NVL: variants seen among roughly 807,000 people sequenced by gnomAD.
NVL encodes the protein nuclear VCP like.
NVL carries 84 observed loss-of-function variants against 110.2 expected under a neutral mutation model. The ratio of observed to expected loss-of-function variants is 0.76; its 90% confidence interval spans 0.64 to 0.91. NVL has a LOEUF of 0.91. Ranked by LOEUF, NVL falls within the 40% of genes least tolerant of loss-of-function variation. NVL has a pLI of 0.00. For missense variants in NVL, 882 were observed against 1,035.9 expected, an observed-to-expected ratio of 0.85 and a Z score of 2.04; for synonymous variants, 354 against 361.1, an observed-to-expected ratio of 0.98 and a Z score of 0.22.
At chr1:224,316,161 G>A (rs1670037446) in intron 4 of NVL, among the ~76,000 whole-genome samples, 1 of 152,064 alleles carries the variant, frequency 6.6e-6, no homozygotes, top group South Asian at 2.1e-4. Context: ...GCAACAAAGT[G>A]AGACTCTGTC....
chr1:224,301,200 T>G (rs1668373244), intron 9 of NVL, among the ~76,000 whole-genome samples: 1 of 152,162 alleles, frequency 6.6e-6, no homozygotes, highest in South Asian at 2.1e-4. Context: ...AAAATTCTAT[T>G]ATCTTTTCTG....
At chr1:224,276,829 T>C (rs1017477701) in intron 16 of NVL, among the ~76,000 whole-genome samples, 2 of 152,176 alleles carry the variant, frequency 1.3e-5, no homozygotes, top group Non-Finnish European at 2.9e-5. Context: ...TTGAACTATA[T>C]GCAGTTGGCT....
At chr1:224,268,199 C>A in intron 17 of NVL, 66 bp from the exon 18 acceptor site, 1 of 1,120,994 alleles carries the variant, frequency 8.9e-7, no homozygotes. Flanking sequence ...TTTTCTTCCA[C>A]ATAAAAATAA....
intron 18 of NVL, among the ~76,000 whole-genome samples, chr1:224,252,822 A>G (rs1662655248): frequency 6.6e-6 from 1 of 152,202 alleles, no homozygotes; most frequent in Admixed American, 6.5e-5. Flanking sequence ...CTTAAAAATT[A>G]TTGAGGACTC....
rs1234985856 is a variant in NVL, at chr1:224,323,014, T to C, written c.131+3377A>G. On this transcript the variant is annotated intron_variant, in intron 2 of 22. Transcript: ENST00000281701. ...GAGCTCAGAAAGACAAGAGAAGAGC[T>C]GTACAGGAAGGTTCTATAGTTATAT... is the stretch of plus-strand genomic sequence containing the variant. Among the ~76,000 whole-genome samples, 10 of 151,206 alleles carry C rather than the reference T, an allele frequency of 6.6e-5. No individual in the cohort carries two copies. In the South Asian group the frequency reaches 1.7e-3, roughly 25 times the overall value.
chr1:224,235,629 C>T (rs1221814313), intron 20 of NVL, among the ~76,000 whole-genome samples: 2 of 149,582 alleles, frequency 1.3e-5, no homozygotes, highest in Non-Finnish European at 3.0e-5. Flanking sequence ...ATTGGAAGGA[C>T]ATAATAGAGA....
Position 224,227,541 on chromosome 1 carries a change from C to T in NVL, c.*85G>A. ...GTTTACATGAGGCCGCGCCTGTGTC[C>T]AGCTGAAAGTGGGTCCTTCAGAGCG... On this transcript the variant is annotated 3_prime_UTR_variant, in exon 23 of 23. Transcript: ENST00000281701. 8.2e-7 allele frequency: 1 copy of T among 1,222,020 alleles called. No homozygotes were observed. The highest frequency in any genetic ancestry group is 1.2e-6 in the Non-Finnish European group (1 of 860,482). 75.7% of individuals were successfully genotyped at this position (1,222,020 alleles called of 1,614,324 possible). A position where few individuals can be genotyped will look rare whatever the true frequency, so the allele number is the denominator to read the frequency against.
chr1:224,287,863 CT>C lies in NVL; in HGVS notation c.1705del (p.Arg569GlyfsTer10). The C allele has an allele frequency of 6.2e-7, 1 of 1,614,122 alleles. No individual in the cohort carries two copies. Reference sequence around the variant, plus strand: ...ATTAGGGACAGTGACAAAGCCTTCCCTTTTGGCAGAGGGTTGGACTGAGGAT... The same window carrying C: ...ATTAGGGACAGTGACAAAGCCTTCCCTTTGGCAGAGGGTTGGACTGAGGAT... ...ALSSVQPSAKREGFVTVPNVT... is the reference protein window; with the variant it reads ...ALSSVQPSAKXEGFVTVPNVT... On this transcript the variant is annotated frameshift_variant, in exon 14 of 23. Transcript: ENST00000281701. LOFTEE classifies it high-confidence loss of function.
intron 4 of NVL, among the ~76,000 whole-genome samples, chr1:224,316,908 TG>T (rs1670139494): frequency 6.6e-6 from 1 of 152,038 alleles, no homozygotes; most frequent in Non-Finnish European, 1.5e-5. Flanking sequence ...GAGGCCAAGA[TG>T]TGCGGATCAC....
rs1462841736 is a variant in NVL, at chr1:224,289,639, G to T, written c.1420C>A (p.Leu474Ile). 3 of 1,614,232 alleles carry T rather than the reference G, an allele frequency of 1.9e-6. No individual in the cohort carries two copies. The South Asian group carries it at 3.3e-5, about 18-fold the overall frequency. Residue 474 changes from leucine to isoleucine, a missense_variant, in exon 13 of 23, where the codon CTC (leucine) becomes ATC (isoleucine). By Grantham distance (5) the Leu-to-Ile change is conservative (BLOSUM62 2). This residue lies in a region of NVL where 416 missense variants were observed against 499.3 expected (regional missense o/e 0.83). Transcript: ENST00000281701. Reference sequence around the variant, plus strand: ...GCTGCCTCTCGGCACAGTGCCATGAGATCAGCACCAACAAAGCCTGGAGTT... The same window carrying T: ...GCTGCCTCTCGGCACAGTGCCATGATATCAGCACCAACAAAGCCTGGAGTT... Reference protein sequence around the residue: ...HLTPGFVGADLMALCREAAMC... With the variant: ...HLTPGFVGADIMALCREAAMC...
At position 224,321,748 on chromosome 1, in the gene NVL, T is replaced by A. The variant is rs1337648061; in HGVS notation, c.132-3818A>T. The stretch of plus-strand genomic sequence containing the variant: ...TCCACCCTGAGCAACAGAGTAAGAT[T>A]CCACCTCAAAAAAAAAAAAAAAAAC... On this transcript the variant is annotated intron_variant, in intron 2 of 22. Transcript: ENST00000281701. Among the ~76,000 whole-genome samples the A allele has an allele frequency of 6.1e-4, 21 of 34,630 alleles. 1 individual carries two copies. In the South Asian group the frequency reaches 0.02, roughly 33 times the overall value. The allele number at this position is 34,630 out of a possible 152,430, so 22.7% of individuals were successfully genotyped here. A position where few individuals can be genotyped will look rare whatever the true frequency, so the allele number is the denominator to read the frequency against.
rs771150196 is a variant in NVL, at chr1:224,233,198, T to C, written c.2455+3A>G. 9.9e-6 allele frequency: 16 copies of C among 1,609,514 alleles called. No individual in the cohort carries two copies. Among genetic ancestry groups the C allele is most frequent in the East Asian group, 2.2e-5 (1 of 44,826 alleles). ...AATTGAGAGATTCTGGAGAGAATTG[T>C]ACCTTTTTCATTTCCACTCTTCTGT... On this transcript the variant is annotated splice_donor_region_variant and intron_variant, in intron 21 of 22. Transcript: ENST00000281701.
intron 19 of NVL, among the ~76,000 whole-genome samples, chr1:224,239,430 C>G (rs999527295): frequency 6.6e-6 from 1 of 151,994 alleles, no homozygotes; most frequent in Non-Finnish European, 1.5e-5. Context: ...TGAAGACTAG[C>G]GTAGACTTTC....
chr1:224,281,210 C>T (rs201022556), intron 15 of NVL, 25 bp from the exon 16 acceptor site: 10 of 1,564,124 alleles, frequency 6.4e-6, no homozygotes, highest in Non-Finnish European at 8.8e-6. Flanking sequence ...CAAAAAGACA[C>T]AAATAAGACC....
At chr1:224,258,686 T>A (rs1663576146) in intron 18 of NVL, among the ~76,000 whole-genome samples, 4 of 152,136 alleles carry the variant, frequency 2.6e-5, no homozygotes, top group African/African-American at 7.2e-5. Flanking sequence ...GGTATATCCA[T>A]ACAACGGGAT....
chr1:224,323,298 T>C (rs989469537), intron 2 of NVL, among the ~76,000 whole-genome samples: 3 of 152,148 alleles, frequency 2.0e-5, no homozygotes, highest in African/African-American at 7.2e-5. Context: ...TTTTACAGTA[T>C]AGAGAGACAT....
chr1:224,228,297 G>C (rs1334959958), intron 22 of NVL, among the ~76,000 whole-genome samples: 1 of 152,052 alleles, frequency 6.6e-6, no homozygotes, highest in East Asian at 1.9e-4. Flanking sequence ...AGGAGGCAAA[G>C]GCAGAAGCTT....
At chr1:224,247,070 A>C (rs1004215943) in intron 19 of NVL, among the ~76,000 whole-genome samples, 3 of 151,938 alleles carry the variant, frequency 2.0e-5, no homozygotes, top group African/African-American at 7.3e-5. Flanking sequence ...AAAAAAAAAA[A>C]AAAACAGAGC....
intron 12 of NVL, among the ~76,000 whole-genome samples, chr1:224,290,421 C>T (rs1199977839): frequency 6.6e-6 from 1 of 152,202 alleles, no homozygotes; most frequent in Non-Finnish European, 1.5e-5. Context: ...CTCTGGGAGG[C>T]TGAGGCAGGC....
Sources: allele counts gnomAD v4.1 joint callset (sites outside exome capture counted in the v4.1 genomes callset), GRCh38; gene constraint gnomAD v4.1.1; regional missense constraint gnomAD v4.1.1; transcripts MANE v1.5; gene names NCBI Gene and HGNC (gene_info 2026-07-23, HGNC 2026-07-21).